ERG: variants seen among roughly 807,000 people sequenced by gnomAD.
ERG encodes ETS transcription factor ERG, also known as transcriptional regulator ERG.
In ERG, 9 loss-of-function variants were observed where a neutral mutation model predicts 55.3. That is an observed-to-expected ratio of 0.16 (90% CI 0.10 to 0.28). The LOEUF is 0.28. Ranked by LOEUF, ERG falls within the 10% of genes least tolerant of loss-of-function variation. The pLI is 1.00. For missense variants in ERG, 434 were observed against 631.6 expected (o/e 0.69, Z 3.35); for synonymous variants, 223 against 237.3 (o/e 0.94, Z 0.55).
At chr21:38,639,468 G>T (rs1248527474) in intron 1 of ERG, among the ~76,000 whole-genome samples, 1 of 150,706 alleles carries the variant, frequency 6.6e-6, no homozygotes, top group African/African-American at 2.4e-5. Flanking sequence ...CAGAGAGGAG[G>T]TTCAACATCT....
chr21:38,392,394 G>A lies in ERG; in HGVS notation c.796C>T (p.Pro266Ser), dbSNP rs2146431563. 6.4e-7 allele frequency: 1 copy of A among 1,567,422 alleles called. No individual in the cohort carries two copies. Among genetic ancestry groups the A allele is most frequent in the Non-Finnish European group, 8.7e-7 (1 of 1,154,414 alleles). Reference protein sequence around the residue: ...RRSAWTGHGHPTPQSKAAQPS... With the variant: ...RRSAWTGHGHSTPQSKAAQPS... ...ACTGTACCTTTCGACTGGGGCGTGG[G>A]GTGGCCGTGACCGGTCCAGGCTGAT... Residue 266 changes from proline (P) to serine (S), a missense_variant, in exon 7 of 10, where the codon CCC becomes TCC. Around this residue, in one of 5 missense-constraint regions of ERG, gnomAD observed 99 missense variants for 145.6 expected, o/e 0.68. Transcript: ENST00000288319.
intron 1 of ERG, among the ~76,000 whole-genome samples, chr21:38,478,998 C>G (rs764397272): frequency 2.8e-4 from 42 of 152,254 alleles, no homozygotes; most frequent in Admixed American, 5.2e-4. Flanking sequence ...TGTCTCGACA[C>G]TTACCAAGTA....
chr21:38,454,755 A>G (rs552369354), intron 1 of ERG, among the ~76,000 whole-genome samples: 1 of 152,356 alleles, frequency 6.6e-6, no homozygotes, highest in African/African-American at 2.4e-5. Flanking sequence ...GCCAGATGCA[A>G]GGAAAATCAC....
At chr21:38,637,449 G>A (rs1015188850) in intron 1 of ERG, among the ~76,000 whole-genome samples, 1 of 152,066 alleles carries the variant, frequency 6.6e-6, no homozygotes, top group African/African-American at 2.4e-5. Context: ...TGATCACGTT[G>A]GAATTAGACA....
chr21:38,647,914 T>C (rs2060466458), intron 1 of ERG, among the ~76,000 whole-genome samples: 1 of 152,224 alleles, frequency 6.6e-6, no homozygotes, highest in African/African-American at 2.4e-5. Flanking sequence ...GACTCGGCAC[T>C]CTGACACAGA....
At chr21:38,650,610 C>T (rs770235594) in intron 1 of ERG, among the ~76,000 whole-genome samples, 1 of 150,148 alleles carries the variant, frequency 6.7e-6, no homozygotes, top group Non-Finnish European at 1.5e-5. Flanking sequence ...GCACTCCAGC[C>T]TGCGCAACAG....
intron 1 of ERG, among the ~76,000 whole-genome samples, chr21:38,487,642 C>G (rs1450390579): frequency 6.6e-6 from 1 of 152,106 alleles, no homozygotes; most frequent in Non-Finnish European, 1.5e-5. Context: ...AGTCATTTTG[C>G]AAAGAAGCAG....
chr21:38,447,376 T>C (rs1163324679), intron 1 of ERG, among the ~76,000 whole-genome samples: 1 of 151,104 alleles, frequency 6.6e-6, no homozygotes, highest in Non-Finnish European at 1.5e-5. Context: ...CAAACAGTAA[T>C]GCAAAATGTA....
chr21:38,649,305 G>A (rs540636862), intron 1 of ERG, among the ~76,000 whole-genome samples: 39 of 152,272 alleles, frequency 2.6e-4, no homozygotes, highest in Non-Finnish European at 4.4e-4. Context: ...AGCTGATGAC[G>A]TAGCGTTTCT....
intron 3 of ERG, among the ~76,000 whole-genome samples, chr21:38,419,495 T>C (rs1253904721): frequency 1.4e-5 from 2 of 141,366 alleles, no homozygotes; most frequent in Admixed American, 1.5e-4. Context: ...AATATTTAAA[T>C]GTTGCAATTA....
chr21:38,591,772 A>G (rs2060101610), intron 1 of ERG, among the ~76,000 whole-genome samples: 1 of 152,190 alleles, frequency 6.6e-6, no homozygotes, highest in Non-Finnish European at 1.5e-5. Context: ...CACCCACCCA[A>G]CATTTGCTGG....
At chr21:38,555,449 T>C (rs756916786) in intron 2 of ERG, among the ~76,000 whole-genome samples, 89 of 152,116 alleles carry the variant, frequency 5.9e-4, no homozygotes, top group Non-Finnish European at 1.1e-3. Flanking sequence ...TATTATTTAA[T>C]AGAAAAATTT....
chr21:38,374,005 C>T, the ERG span, among the ~76,000 whole-genome samples: 1 of 152,080 alleles, frequency 6.6e-6, no homozygotes, highest in African/African-American at 2.4e-5. Flanking sequence ...GATCATCCCC[C>T]AATATTTACA....
chr21:38,619,414 C>T (rs1444986186), intron 1 of ERG, among the ~76,000 whole-genome samples: 2 of 152,124 alleles, frequency 1.3e-5, no homozygotes. Flanking sequence ...TGTCTCTTCC[C>T]TCCTGCTCCC....
At chr21:38,463,609 G>A (rs982034241) in intron 1 of ERG, among the ~76,000 whole-genome samples, 1 of 152,254 alleles carries the variant, frequency 6.6e-6, no homozygotes, top group East Asian at 1.9e-4. Context: ...AAAGGAACTG[G>A]TGTGCACTGG....
At chr21:38,484,782 T>C (rs1252503571) in intron 1 of ERG, among the ~76,000 whole-genome samples, 1 of 152,198 alleles carries the variant, frequency 6.6e-6, no homozygotes, top group East Asian at 1.9e-4. Flanking sequence ...CTCTATGGCC[T>C]AGTGACATAC....
intron 1 of ERG, among the ~76,000 whole-genome samples, chr21:38,620,599 C>A (rs1424837410): frequency 6.6e-6 from 1 of 152,114 alleles, no homozygotes; most frequent in Non-Finnish European, 1.5e-5. Context: ...TCCCCATCAC[C>A]AAGATTTTAA....
intron 1 of ERG, among the ~76,000 whole-genome samples, chr21:38,629,913 A>C (rs1243462147): frequency 6.6e-6 from 1 of 152,238 alleles, no homozygotes; most frequent in Non-Finnish European, 1.5e-5. Context: ...CGGGCATATT[A>C]CTCAGCCTTA....
At chr21:38,496,261 C>T (rs2059378337) in intron 1 of ERG, among the ~76,000 whole-genome samples, 1 of 152,158 alleles carries the variant, frequency 6.6e-6, no homozygotes, top group Admixed American at 6.5e-5. Context: ...CATCTGATAC[C>T]TAATCGACTA....
Sources: gnomAD v4.1 joint callset for allele counts (sites outside exome capture counted in the v4.1 genomes callset) on GRCh38, gnomAD v4.1.1 for gene constraint, gnomAD v4.1.1 regional missense constraint, MANE v1.5 for transcripts, NCBI Gene and HGNC (gene_info 2026-07-23, HGNC 2026-07-21) for gene names.